The following FBXW10B variants were observed in gnomAD, a reference collection of about 807,000 sequenced individuals.
FBXW10B encodes the protein F-box and WD repeat domain containing protein 10B.
the FBXW10B span, chr17:15,607,552 A>C: frequency 1.9e-6 from 3 of 1,605,014 alleles, no homozygotes; most frequent in South Asian, 3.3e-5. Flanking sequence ...CTAGAGACCC[A>C]GATTCTGACC....
At chr17:15,599,548 A>G in the FBXW10B span, among the ~76,000 whole-genome samples, 3 of 145,710 alleles carry the variant, frequency 2.1e-5, no homozygotes, top group Admixed American at 1.4e-4. Context: ...CTGAATGACC[A>G]CCAGCCTTAG....
chr17:15,596,434 A>C, the FBXW10B span: 2 of 1,342,708 alleles, frequency 1.5e-6, no homozygotes, highest in Non-Finnish European at 2.0e-6. Flanking sequence ...CTCTAGGATG[A>C]CCTGAGGAGC....
the FBXW10B span, among the ~76,000 whole-genome samples, chr17:15,601,049 C>CAAA: frequency 2.5e-4 from 7 of 28,260 alleles, no homozygotes; most frequent in East Asian, 1.0e-3. Flanking sequence ...GACTCCATCT[C>CAAA]AAAAAAAAAA....
At chr17:15,566,011 T>C in the FBXW10B span, 1 of 1,610,644 alleles carries the variant, frequency 6.2e-7, no homozygotes, top group Non-Finnish European at 8.5e-7. Context: ...GATCTTCAAG[T>C]TGGGCTGCAG....
At chr17:15,598,646 C>T in the FBXW10B span, 1 of 1,611,854 alleles carries the variant, frequency 6.2e-7, no homozygotes, top group South Asian at 1.1e-5. Context: ...CTTTTCAGAT[C>T]CCAGTATCTG....
At chr17:15,576,739 T>G in the FBXW10B span, among the ~76,000 whole-genome samples, 1 of 151,534 alleles carries the variant, frequency 6.6e-6, no homozygotes, top group African/African-American at 2.4e-5. Flanking sequence ...CAGGAGAGAT[T>G]GCACGATAAG....
the FBXW10B span, among the ~76,000 whole-genome samples, chr17:15,567,668 T>G: frequency 2.6e-5 from 4 of 152,162 alleles, no homozygotes; most frequent in African/African-American, 7.2e-5. Flanking sequence ...TACTCCAGCC[T>G]GGGGAACAGA....
At chr17:15,593,408 C>G in the FBXW10B span, 3 of 1,614,172 alleles carry the variant, frequency 1.9e-6, no homozygotes, top group African/African-American at 2.7e-5. Context: ...TCATACAGTT[C>G]CCATTGAAGA....
At chr17:15,593,755 A>G in the FBXW10B span, among the ~76,000 whole-genome samples, 1 of 151,818 alleles carries the variant, frequency 6.6e-6, no homozygotes, top group Admixed American at 6.6e-5. Context: ...CAGTCTTCCA[A>G]GTAGCTGGGA....
the FBXW10B span, chr17:15,607,657 G>C: frequency 1.9e-6 from 3 of 1,613,466 alleles, no homozygotes; most frequent in Non-Finnish European, 2.5e-6. Flanking sequence ...CCTCGTTCTG[G>C]TATGCAGTCC....
the FBXW10B span, among the ~76,000 whole-genome samples, chr17:15,601,466 T>G: frequency 3.1e-4 from 47 of 151,556 alleles, 1 homozygote; most frequent in Non-Finnish European, 1.8e-4. Context: ...TACATGCTTT[T>G]AGAACTAATA....
chr17:15,575,863 G>A, the FBXW10B span, among the ~76,000 whole-genome samples: 2 of 152,130 alleles, frequency 1.3e-5, no homozygotes, highest in Non-Finnish European at 2.9e-5. Flanking sequence ...GGGACTTTAC[G>A]TGGCACTTGG....
At chr17:15,607,516 T>C in the FBXW10B span, 2 of 1,508,484 alleles carry the variant, frequency 1.3e-6, no homozygotes. Flanking sequence ...AAATCCCAAA[T>C]GTCAGTGTGG....
the FBXW10B span, among the ~76,000 whole-genome samples, chr17:15,591,294 A>AT: frequency 1.7e-4 from 26 of 151,878 alleles, no homozygotes; most frequent in African/African-American, 5.3e-4. Context: ...GTTTAAAATC[A>AT]TTTTTTTTCT....
chr17:15,586,349 T>C, the FBXW10B span, among the ~76,000 whole-genome samples: 1 of 151,658 alleles, frequency 6.6e-6, no homozygotes, highest in South Asian at 2.1e-4. Context: ...GATTTCACTA[T>C]TCTTCCATCC....
chr17:15,604,462 G>T, the FBXW10B span, among the ~76,000 whole-genome samples: 1 of 152,092 alleles, frequency 6.6e-6, no homozygotes, highest in East Asian at 1.9e-4. Context: ...AGGGAATGGT[G>T]GTATCTTATT....
chr17:15,592,716 G>A, the FBXW10B span, among the ~76,000 whole-genome samples: 1 of 151,746 alleles, frequency 6.6e-6, no homozygotes, highest in East Asian at 1.9e-4. Flanking sequence ...CATGATCAAA[G>A]AGCAAGCAGG....
the FBXW10B span, chr17:15,572,629 T>C: frequency 6.6e-6 from 1 of 151,752 alleles, no homozygotes; most frequent in East Asian, 1.9e-4. Context: ...GACAGAATGA[T>C]AATACAGAAC....
the FBXW10B span, chr17:15,596,519 C>T: frequency 6.3e-7 from 1 of 1,589,240 alleles, no homozygotes; most frequent in Non-Finnish European, 8.6e-7. Flanking sequence ...CTTACCTTTA[C>T]CAACTGGGCC....
Sources: gnomAD v4.1 joint callset for allele counts (sites outside exome capture counted in the v4.1 genomes callset) on GRCh38, gnomAD v4.1.1 for gene constraint, MANE v1.5 for transcripts, NCBI Gene and HGNC (gene_info 2026-07-23, HGNC 2026-07-21) for gene names.